DTHD1: variants seen among roughly 807,000 people sequenced by gnomAD.
DTHD1 encodes the protein death domain-containing protein 1.
DTHD1 carries 59 observed loss-of-function variants against 74.8 expected under a neutral mutation model. The observed-to-expected ratio is 0.79, with a 90% CI of 0.64 to 0.98. DTHD1 has a LOEUF of 0.98. Ranked by LOEUF, DTHD1 falls within the 50% of genes least tolerant of loss-of-function variation. The pLI, the probability that DTHD1 is intolerant of heterozygous loss-of-function variation, is 0.00. For missense variants in DTHD1, 1,051 were observed against 1,065.4 expected (o/e 0.99, Z 0.19); for synonymous variants, 365 against 371.1 (o/e 0.98, Z 0.19).
intron 7 of DTHD1, among the ~76,000 whole-genome samples, chr4:36,313,429 A>AAAAAC (rs1331099948): frequency 1.3e-5 from 2 of 151,806 alleles, no homozygotes; most frequent in Non-Finnish European, 2.9e-5. Flanking sequence ...AAAAAAAAAA[A>AAAAAC]AAACAGAGTA....
chr4:36,302,106 C>T (rs879481366), intron 5 of DTHD1, among the ~76,000 whole-genome samples: 1 of 152,170 alleles, frequency 6.6e-6, no homozygotes, highest in Admixed American at 6.5e-5. Flanking sequence ...AACTGAACCA[C>T]GCATAGCGTA....
chr4:36,300,244 C>T (rs760533021), intron 5 of DTHD1, among the ~76,000 whole-genome samples: 1 of 152,144 alleles, frequency 6.6e-6, no homozygotes, highest in Non-Finnish European at 1.5e-5. Flanking sequence ...CTCAAGGTGG[C>T]ATTTGTTCCT....
At chr4:36,327,432 C>T (rs1304036417) in intron 8 of DTHD1, among the ~76,000 whole-genome samples, 8 of 152,158 alleles carry the variant, frequency 5.3e-5, no homozygotes, top group Non-Finnish European at 1.0e-4. Flanking sequence ...AATGCAAGTT[C>T]TGGCAATGCT....
chr4:36,296,864 T>C (rs192644015), intron 5 of DTHD1, among the ~76,000 whole-genome samples: 2 of 151,498 alleles, frequency 1.3e-5, no homozygotes. Context: ...CACCAAGAAG[T>C]TGAAAATGTG....
In DTHD1 at chr4:36,291,737, A is replaced by G. The variant is rs546218911; in HGVS notation, c.1218+1034A>G. Reference sequence around the variant, plus strand: ...CAGCTACTGGGGAGGCTGAGGCAGGAGAATCGCTTGAACCCGGGAAGCGGA... The same window carrying G: ...CAGCTACTGGGGAGGCTGAGGCAGGGGAATCGCTTGAACCCGGGAAGCGGA... On this transcript the variant is annotated intron_variant, in intron 3 of 9. Coordinates refer to ENST00000639862, the MANE Select transcript of DTHD1 (RefSeq NM_001170700.3). Among the ~76,000 whole-genome samples the G allele has an allele frequency of 3.9e-5, 6 of 152,322 alleles. No homozygotes were observed. In the East Asian group the frequency reaches 1.2e-3, roughly 29 times the overall value.
chr4:36,315,461 T>C (rs1358224229), intron 7 of DTHD1: 1 of 152,220 alleles, frequency 6.6e-6, no homozygotes, highest in Admixed American at 6.5e-5. Flanking sequence ...TATGCTGTCA[T>C]TGAGACTTTT....
chr4:36,319,304 G>A (rs1375125446), intron 8 of DTHD1, among the ~76,000 whole-genome samples: 2 of 152,172 alleles, frequency 1.3e-5, no homozygotes, highest in African/African-American at 2.4e-5. Flanking sequence ...TGAATAAGGG[G>A]AGGTCTATAG....
Position 36,308,509 on chromosome 4 carries a change from T to A in DTHD1, c.2095+16T>A. 6.5e-7 allele frequency: 1 copy of A among 1,528,294 alleles called. No individual in the cohort carries two copies. The highest frequency in any genetic ancestry group is 8.8e-7 in the Non-Finnish European group (1 of 1,135,454). 94.7% of individuals were successfully genotyped at this position (1,528,294 alleles called of 1,614,324 possible). A position where few individuals can be genotyped will look rare whatever the true frequency, so the allele number is the denominator to read the frequency against. On this transcript the variant is annotated intron_variant, in intron 7 of 9. Coordinates refer to ENST00000639862, the MANE Select transcript of DTHD1 (RefSeq NM_001170700.3). ...TTTGCTTCAAGTAAGTATAAAGAAA[T>A]CTTTTTATATATTTTATTGGCTATA...
rs1156232235 is a variant in DTHD1, at chr4:36,344,855, T to A, written c.*1031T>A. On this transcript the variant is annotated 3_prime_UTR_variant, in exon 10 of 10. Transcript: ENST00000639862. Reference sequence around the variant, plus strand: ...ACCAATTCAAGTTACATAGATACCATAGAGCCTACAGTAAACAATACAAAA... The same window carrying A: ...ACCAATTCAAGTTACATAGATACCAAAGAGCCTACAGTAAACAATACAAAA... The A allele has an allele frequency of 6.6e-6, 1 of 152,130 alleles. No homozygotes were observed. The highest frequency in any genetic ancestry group is 1.5e-5 in the Non-Finnish European group (1 of 68,026). The allele number at this position is 152,130 out of a possible 1,614,324, so 9.4% of individuals were successfully genotyped here.
intron 8 of DTHD1, among the ~76,000 whole-genome samples, chr4:36,321,453 G>C (rs1200671017): frequency 1.3e-5 from 2 of 152,168 alleles, no homozygotes; most frequent in African/African-American, 4.8e-5. Context: ...AGGGATCTAG[G>C]TTGTGTGCTT....
intron 8 of DTHD1, among the ~76,000 whole-genome samples, chr4:36,331,855 T>A (rs962186383): frequency 6.6e-6 from 1 of 152,240 alleles, no homozygotes; most frequent in African/African-American, 2.4e-5. Flanking sequence ...AAATTTGCTC[T>A]GCACTAGAGT....
intron 2 of DTHD1, 83 bp from the exon 3 acceptor site, chr4:36,290,290 C>T (rs1327009672): frequency 3.0e-6 from 4 of 1,334,996 alleles, no homozygotes; most frequent in Non-Finnish European, 4.0e-6. Flanking sequence ...CAATGTAGAT[C>T]TAGAGTCTGT....
intron 5 of DTHD1, among the ~76,000 whole-genome samples, chr4:36,296,901 C>T (rs184775252): frequency 1.3e-4 from 20 of 151,776 alleles, no homozygotes; most frequent in Non-Finnish European, 2.5e-4. Flanking sequence ...CCTCGAAAAC[C>T]GAACTGCTTA....
chr4:36,316,643 A>G (rs914771095), intron 8 of DTHD1, among the ~76,000 whole-genome samples, 157 bp downstream of exon 8: 1 of 152,254 alleles, frequency 6.6e-6, no homozygotes, highest in African/African-American at 2.4e-5. Context: ...TTAGAGTATT[A>G]GAAAACATGT....
Position 36,294,973 on chromosome 4 carries a change from C to A in DTHD1, c.1577C>A (p.Ser526Tyr), listed in dbSNP as rs750097471. 5.9e-5 allele frequency: 92 copies of A among 1,551,198 alleles called. No individual in the cohort carries two copies. Among genetic ancestry groups the A allele is most frequent in the Non-Finnish European group, 7.5e-5 (86 of 1,146,562 alleles). ...TACCTTGATAAAAACAACCTTGGTT[C>A]TGAGATAGATCATAAAAGAAGAGCA... ...SPYLDKNNLGSEIDHKRRASA... is the reference protein window; with the variant it reads ...SPYLDKNNLGYEIDHKRRASA... Residue 526 changes from serine (S) to tyrosine (Y), a missense_variant, in exon 5 of 10, where the codon TCT becomes TAT. Physicochemically the swap from Ser to Tyr is moderately radical, Grantham distance 144. Coordinates refer to ENST00000639862, the MANE Select transcript of DTHD1 (RefSeq NM_001170700.3).
At chr4:36,314,073 T>A (rs1757554693) in intron 7 of DTHD1, among the ~76,000 whole-genome samples, 1 of 150,912 alleles carries the variant, frequency 6.6e-6, no homozygotes, top group South Asian at 2.1e-4. Flanking sequence ...GAATCTGTTT[T>A]TTTTTTTTTT....
At chr4:36,282,165 A>G (rs1231323886) in intron 1 of DTHD1, 136 bp downstream of exon 1, 6 of 720,090 alleles carry the variant, frequency 8.3e-6, no homozygotes, top group Non-Finnish European at 1.2e-5. Context: ...TCAAAGGGGA[A>G]ATAAGTTGAG....
chr4:36,283,113 A>G (rs1224714992), intron 1 of DTHD1, among the ~76,000 whole-genome samples: 5 of 152,190 alleles, frequency 3.3e-5, no homozygotes, highest in Non-Finnish European at 7.3e-5. Context: ...ATGGGGCCTT[A>G]AATTACCTAT....
chr4:36,336,398 T>C (rs1759011828), intron 8 of DTHD1, among the ~76,000 whole-genome samples: 2 of 152,212 alleles, frequency 1.3e-5, no homozygotes, highest in Non-Finnish European at 2.9e-5. Flanking sequence ...GCTAATCAAA[T>C]GCTAGCACTT....
Sources: gnomAD v4.1 joint callset for allele counts (sites outside exome capture counted in the v4.1 genomes callset) on GRCh38, gnomAD v4.1.1 for gene constraint, MANE v1.5 for transcripts, NCBI Gene and HGNC (gene_info 2026-07-23, HGNC 2026-07-21) for gene names.